Variants in SMG6 observed in about 807,000 individuals in gnomAD.
SMG6 encodes the protein telomerase-binding protein EST1A.
Under a neutral mutation model 142.2 loss-of-function variants are expected in SMG6, and 66 were observed. The ratio of observed to expected loss-of-function variants is 0.46; its 90% confidence interval spans 0.38 to 0.57. The LOEUF (loss-of-function observed/expected upper bound fraction) is 0.57. Among genes scored for constraint, SMG6 ranks in the 20% least tolerant of loss-of-function variants. The probability of loss-of-function intolerance (pLI) is 0.00; values close to 1 mark genes in which losing one functional copy is unlikely to be tolerated. For synonymous variants in SMG6, 779 were observed against 702.4 expected (o/e 1.11, Z -1.72); for missense variants, 1,793 against 1,832.0 (o/e 0.98, Z 0.39).
chr17:2,067,913 T>C (rs528120111), intron 16 of SMG6, among the ~76,000 whole-genome samples: 118 of 152,228 alleles, frequency 7.8e-4, no homozygotes, highest in Middle Eastern at 3.4e-3. Context: ...GCCAGTCTGG[T>C]GGCTTTTCCA....
At chr17:2,216,575 T>C (rs2073027111) in intron 10 of SMG6, among the ~76,000 whole-genome samples, 1 of 152,212 alleles carries the variant, frequency 6.6e-6, no homozygotes, top group African/African-American at 2.4e-5. Flanking sequence ...GTTAATTTCT[T>C]ATTTGCCTAA....
chr17:2,276,200 CCTTAT>C (rs1295831499), intron 8 of SMG6, among the ~76,000 whole-genome samples: 3 of 152,144 alleles, frequency 2.0e-5, no homozygotes, highest in African/African-American at 7.2e-5. Flanking sequence ...CTTTGCCTTT[CCTTAT>C]GTGTGATTTT....
chr17:2,293,927 T>C (rs1173371995), intron 4 of SMG6, among the ~76,000 whole-genome samples: 1 of 152,238 alleles, frequency 6.6e-6, no homozygotes, highest in African/African-American at 2.4e-5. Context: ...GTTTTCTCAC[T>C]GATTGGCTTG....
intron 13 of SMG6, among the ~76,000 whole-genome samples, chr17:2,135,135 C>T (rs563768795): frequency 2.0e-5 from 3 of 152,298 alleles, no homozygotes; most frequent in Non-Finnish European, 4.4e-5. Context: ...CTGCCTCGGC[C>T]TCCCAAAGTG....
intron 8 of SMG6, among the ~76,000 whole-genome samples, chr17:2,262,197 T>C (rs538121493): frequency 1.3e-5 from 2 of 152,338 alleles, no homozygotes; most frequent in East Asian, 1.9e-4. Context: ...TTAGTGCCAA[T>C]GATTACAACA....
At chr17:2,195,573 G>A (rs555610658) in intron 10 of SMG6, among the ~76,000 whole-genome samples, 56 of 152,338 alleles carry the variant, frequency 3.7e-4, no homozygotes, top group African/African-American at 1.3e-3. Flanking sequence ...AGAAACATTT[G>A]CTGCTCATAA....
chr17:2,129,947 G>GT (rs1481277441), intron 13 of SMG6, among the ~76,000 whole-genome samples: 4 of 151,724 alleles, frequency 2.6e-5, no homozygotes, highest in Non-Finnish European at 5.9e-5. Flanking sequence ...GTTGATAGAT[G>GT]TAAGATGAAG....
chr17:2,246,098 C>T (rs988347064), intron 8 of SMG6, among the ~76,000 whole-genome samples: 49 of 152,316 alleles, frequency 3.2e-4, no homozygotes, highest in African/African-American at 1.1e-3. Context: ...GCCCATGAGC[C>T]ACCAATTTAC....
intron 13 of SMG6, among the ~76,000 whole-genome samples, chr17:2,134,182 G>A (rs1428879103): frequency 6.6e-6 from 1 of 152,024 alleles, no homozygotes; most frequent in Non-Finnish European, 1.5e-5. Context: ...CACTTTGGGA[G>A]GCCGATGTGG....
At chr17:2,119,348 C>T (rs919693916) in intron 13 of SMG6, among the ~76,000 whole-genome samples, 1 of 151,992 alleles carries the variant, frequency 6.6e-6, no homozygotes, top group Admixed American at 6.6e-5. Context: ...TGAGCCACTG[C>T]GCCCGGCCAT....
intron 18 of SMG6, among the ~76,000 whole-genome samples, chr17:2,063,996 T>C (rs971934220): frequency 5.9e-5 from 9 of 152,132 alleles, no homozygotes; most frequent in Non-Finnish European, 1.2e-4. Flanking sequence ...ACAGGACCTC[T>C]CTTGAGTAGC....
intron 13 of SMG6, among the ~76,000 whole-genome samples, chr17:2,169,542 A>C (rs2071441364): frequency 6.6e-6 from 1 of 152,172 alleles, no homozygotes. Flanking sequence ...GGAGTGCGAG[A>C]GGCACACAGC....
chr17:2,280,520 C>A (rs1259517574), intron 8 of SMG6: 1 of 847,394 alleles, frequency 1.2e-6, no homozygotes, highest in Admixed American at 6.2e-5. Flanking sequence ...GCCTCGGCCT[C>A]CTAAAGTGCT....
intron 13 of SMG6, among the ~76,000 whole-genome samples, chr17:2,111,807 C>T (rs1425690311): frequency 6.6e-6 from 1 of 152,186 alleles, no homozygotes; most frequent in African/African-American, 2.4e-5. Flanking sequence ...GGAAGGAGAA[C>T]AGGCTTTTCC....
At position 2,249,037 on chromosome 17, in the gene SMG6, C is replaced by T. The variant is rs1044948746; in HGVS notation, c.2662-4318G>A. ...AAGTAGCTGGGACTACAGGCGCCCG[C>T]CACCACGCCCCGTTAATTTTTTTTT... On this transcript the variant is annotated intron_variant, in intron 8 of 18. Coordinates refer to ENST00000263073, the MANE Select transcript of SMG6 (RefSeq NM_017575.5). 5.9e-5 allele frequency among the ~76,000 whole-genome samples: 9 copies of T among 151,926 alleles called. No homozygotes were observed. The South Asian group carries it at 1.5e-3, about 24-fold the overall frequency.
chr17:2,088,161 C>T (rs757362264), intron 13 of SMG6: 145 of 985,324 alleles, frequency 1.5e-4, no homozygotes, highest in Non-Finnish European at 1.7e-4. Flanking sequence ...GAGTGTGCCA[C>T]GGACACATGC....
rs1001216712 is a variant in SMG6 at position 2,286,958 on chromosome 17, G to C, written c.2338-3223C>G. The stretch of plus-strand genomic sequence containing the variant: ...TTTTTTTTTTTTTTTTTGAGACAGA[G>C]TCTCGCTCTGTCGCTCAGGCTGGAG... On this transcript the variant is annotated intron_variant, in intron 6 of 18. Coordinates refer to ENST00000263073, the MANE Select transcript of SMG6 (RefSeq NM_017575.5). 6.3e-5 allele frequency among the ~76,000 whole-genome samples: 8 copies of C among 127,640 alleles called. No homozygotes were observed. In the Admixed American group the frequency reaches 6.6e-4, roughly 10 times the overall value. 83.7% of individuals were successfully genotyped at this position (127,640 alleles called of 152,430 possible). A position where few individuals can be genotyped will look rare whatever the true frequency, so the allele number is the denominator to read the frequency against.
intron 13 of SMG6, among the ~76,000 whole-genome samples, chr17:2,163,783 T>C (rs1239738372): frequency 6.6e-6 from 1 of 152,134 alleles, no homozygotes; most frequent in Non-Finnish European, 1.5e-5. Flanking sequence ...TTCTGTTTCT[T>C]GAGCTGCTTG....
At chr17:2,136,028 G>C (rs956564497) in intron 13 of SMG6, among the ~76,000 whole-genome samples, 5 of 149,424 alleles carry the variant, frequency 3.3e-5, no homozygotes, top group Non-Finnish European at 5.9e-5. Flanking sequence ...GTGTGTGTGT[G>C]TGTGTGTGTC....
Sources: gnomAD v4.1 joint callset for allele counts (sites outside exome capture counted in the v4.1 genomes callset) on GRCh38, gnomAD v4.1.1 for gene constraint, MANE v1.5 for transcripts, NCBI Gene and HGNC (gene_info 2026-07-23, HGNC 2026-07-21) for gene names.